SLC9A9: variants seen among roughly 807,000 people sequenced by gnomAD.
The protein encoded by SLC9A9 is solute carrier family 9 member A9.
Under a neutral mutation model 77.8 loss-of-function variants are expected in SLC9A9, and 62 were observed. The ratio of observed to expected loss-of-function variants is 0.80; its 90% CI spans 0.65 to 0.98. The LOEUF is 0.98. Among genes scored for constraint, SLC9A9 ranks in the 50% least tolerant of loss-of-function variants. The pLI, the probability that SLC9A9 is intolerant of heterozygous loss-of-function variation, is 0.00. For synonymous variants in SLC9A9, 320 were observed against 283.5 expected (o/e 1.13, Z -1.29); for missense variants, 775 against 774.9 (o/e 1.00, Z 0.00).
intron 6 of SLC9A9, among the ~76,000 whole-genome samples, chr3:143,639,365 A>G (rs948150410): frequency 7.9e-5 from 12 of 152,238 alleles, no homozygotes; most frequent in African/African-American, 2.4e-4. Context: ...ATCAACTACT[A>G]TCTGTTAGTA....
intron 5 of SLC9A9, among the ~76,000 whole-genome samples, chr3:143,667,933 C>G (rs952592498): frequency 1.3e-5 from 2 of 152,152 alleles, no homozygotes; most frequent in Non-Finnish European, 2.9e-5. Context: ...AGCGATTCCT[C>G]AAGGATCTAG....
chr3:143,624,672 A>G (rs2038285905), intron 6 of SLC9A9, among the ~76,000 whole-genome samples: 1 of 152,232 alleles, frequency 6.6e-6, no homozygotes, highest in Non-Finnish European at 1.5e-5. Flanking sequence ...CTGAATCGGC[A>G]AAAACTGGAA....
At chr3:143,279,191 A>G (rs1014895176) in intron 14 of SLC9A9, among the ~76,000 whole-genome samples, 5 of 152,162 alleles carry the variant, frequency 3.3e-5, no homozygotes, top group Admixed American at 2.6e-4. Flanking sequence ...TAGGAAAAAT[A>G]TTGCCAAGTT....
intron 4 of SLC9A9, among the ~76,000 whole-genome samples, chr3:143,753,173 AC>A (rs2006804651): frequency 6.6e-6 from 1 of 152,188 alleles, no homozygotes; most frequent in Non-Finnish European, 1.5e-5. Flanking sequence ...TAGAAAGCTC[AC>A]ATCTGCCTCC....
intron 12 of SLC9A9, among the ~76,000 whole-genome samples, chr3:143,462,298 A>G (rs1156666927): frequency 1.3e-5 from 2 of 152,148 alleles, no homozygotes; most frequent in African/African-American, 4.8e-5. Context: ...ACTTGAGCCC[A>G]GCAGATCAAG....
At chr3:143,320,780 T>TA (rs2031392276) in intron 14 of SLC9A9, among the ~76,000 whole-genome samples, 1 of 152,228 alleles carries the variant, frequency 6.6e-6, no homozygotes, top group Admixed American at 6.5e-5. Flanking sequence ...CCTTAACCCC[T>TA]AATACCTGTA....
chr3:143,663,647 G>A (rs1166897131), intron 5 of SLC9A9, among the ~76,000 whole-genome samples: 6 of 152,114 alleles, frequency 3.9e-5, no homozygotes, highest in African/African-American at 1.4e-4. Flanking sequence ...TGCAAACCAT[G>A]GCCCAAGAAC....
intron 14 of SLC9A9, among the ~76,000 whole-genome samples, chr3:143,304,385 A>G (rs1050639770): frequency 1.3e-5 from 2 of 152,236 alleles, no homozygotes; most frequent in African/African-American, 4.8e-5. Flanking sequence ...AGCAACAAAC[A>G]TTCTGGTTAG....
chr3:143,525,121 G>A (rs143259277), intron 9 of SLC9A9, among the ~76,000 whole-genome samples: 194 of 152,224 alleles, frequency 1.3e-3, no homozygotes, highest in African/African-American at 4.5e-3. Flanking sequence ...AGCGAGCCTA[G>A]GCAAAATATG....
At chr3:143,444,983 C>T (rs775965486) in intron 12 of SLC9A9, among the ~76,000 whole-genome samples, 2 of 152,176 alleles carry the variant, frequency 1.3e-5, no homozygotes, top group Non-Finnish European at 2.9e-5. Flanking sequence ...CCACCACTGC[C>T]TTGGCCCCTG....
At chr3:143,607,993 A>G (rs1426897826) in intron 6 of SLC9A9, among the ~76,000 whole-genome samples, 1 of 152,196 alleles carries the variant, frequency 6.6e-6, no homozygotes, top group Non-Finnish European at 1.5e-5. Context: ...TGAAAAAATG[A>G]CAACACCTCA....
intron 12 of SLC9A9, among the ~76,000 whole-genome samples, chr3:143,421,296 C>A (rs763770744): frequency 1.3e-5 from 2 of 152,060 alleles, no homozygotes; most frequent in Non-Finnish European, 2.9e-5. Flanking sequence ...CCAAAAAGAG[C>A]CCAAATAGCT....
chr3:143,667,876 C>G (rs1352981917), intron 5 of SLC9A9, among the ~76,000 whole-genome samples: 2 of 152,206 alleles, frequency 1.3e-5, no homozygotes, highest in Non-Finnish European at 2.9e-5. Flanking sequence ...CACTCTTACA[C>G]TGTTGGTGGG....
intron 4 of SLC9A9, among the ~76,000 whole-genome samples, chr3:143,791,329 TA>T (rs1331780409): frequency 6.6e-6 from 1 of 152,236 alleles, no homozygotes; most frequent in Non-Finnish European, 1.5e-5. Flanking sequence ...ATGAAACTAA[TA>T]AAACTTAAAG....
At chr3:143,362,034 T>C (rs1035594639) in intron 14 of SLC9A9, among the ~76,000 whole-genome samples, 7 of 152,216 alleles carry the variant, frequency 4.6e-5, no homozygotes, top group East Asian at 1.9e-4. Context: ...CAGATACTTA[T>C]AAGCAATGGC....
intron 8 of SLC9A9, among the ~76,000 whole-genome samples, chr3:143,560,224 G>A (rs1442017614): frequency 6.6e-6 from 1 of 152,178 alleles, no homozygotes; most frequent in African/African-American, 2.4e-5. Context: ...TACTATTAGG[G>A]GATGTCCATG....
At chr3:143,845,400 A>G (rs1362076546) in intron 1 of SLC9A9, among the ~76,000 whole-genome samples, 1 of 152,220 alleles carries the variant, frequency 6.6e-6, no homozygotes, top group Non-Finnish European at 1.5e-5. Context: ...AGACTATTTT[A>G]TTACATTACT....
At chr3:143,661,665 T>C (rs1055413278) in intron 5 of SLC9A9, among the ~76,000 whole-genome samples, 12 of 152,178 alleles carry the variant, frequency 7.9e-5, no homozygotes. Context: ...CATCAACATC[T>C]GGTGATGTCA....
intron 9 of SLC9A9, among the ~76,000 whole-genome samples, chr3:143,545,765 T>C (rs746222736): frequency 6.6e-5 from 10 of 152,222 alleles, no homozygotes; most frequent in Non-Finnish European, 1.5e-4. Flanking sequence ...GGTTTTTGAT[T>C]GCCTCATCCT....
Sources: gnomAD v4.1 joint callset for allele counts (sites outside exome capture counted in the v4.1 genomes callset) on GRCh38, gnomAD v4.1.1 for gene constraint, MANE v1.5 for transcripts, NCBI Gene and HGNC (gene_info 2026-07-23, HGNC 2026-07-21) for gene names.